The following ARRB1 variants were observed in gnomAD, a reference collection of about 807,000 sequenced individuals.
ARRB1 encodes the protein arrestin beta 1.
Under a neutral mutation model 56.8 loss-of-function variants are expected in ARRB1, and 21 were observed. The ratio of observed to expected loss-of-function variants is 0.37; its 90% CI spans 0.26 to 0.53. The LOEUF is 0.53. Ranked by LOEUF, ARRB1 falls within the 20% of genes least tolerant of loss-of-function variation. ARRB1 has a pLI of 0.88. For missense variants in ARRB1, 424 were observed against 553.7 expected, an observed-to-expected ratio of 0.77 and a Z score of 2.35; for synonymous variants, 210 against 218.6, an observed-to-expected ratio of 0.96 and a Z score of 0.35.
chr11:75,350,968 C>T (rs558722715), intron 1 of ARRB1, among the ~76,000 whole-genome samples: 24 of 152,224 alleles, frequency 1.6e-4, no homozygotes, highest in African/African-American at 5.1e-4. Flanking sequence ...CCTTGCGCTC[C>T]GCTGTGTTGG....
chr11:75,291,608 C>A (rs977317430), intron 1 of ARRB1, among the ~76,000 whole-genome samples: 14 of 152,130 alleles, frequency 9.2e-5, no homozygotes, highest in Non-Finnish European at 1.9e-4. Context: ...GCCTGAGACC[C>A]CCTTCCCTAG....
rs560222650 is a variant in ARRB1, at chr11:75,350,489, C to T, written c.20+1099G>A. Among the ~76,000 whole-genome samples, 60 of 152,224 alleles carry T rather than the reference C, an allele frequency of 3.9e-4. No homozygotes were observed. The East Asian group carries it at 7.0e-3, about 18-fold the overall frequency. On this transcript the variant is annotated intron_variant, in intron 1 of 15. Transcript: ENST00000420843. Reference sequence around the variant, plus strand: ...CCCACTTAGGGGGTGGGGAGGGCAACGGGGAAAATAGGGTGGCAACGCTGA... The same window carrying T: ...CCCACTTAGGGGGTGGGGAGGGCAATGGGGAAAATAGGGTGGCAACGCTGA...
Position 75,313,981 on chromosome 11 carries a change from C to T in ARRB1, c.21-23942G>A, listed in dbSNP as rs1947218381. Among the ~76,000 whole-genome samples the T allele has an allele frequency of 2.0e-5, 3 of 152,204 alleles. No homozygotes were observed. In the South Asian group the frequency reaches 6.2e-4, roughly 31 times the overall value. ...ATCACGTGCCTCCTCTGCCTAAAAA[C>T]TCTTAACCGCTCCCAAGAGCTCTTC... On this transcript the variant is annotated intron_variant, in intron 1 of 15. Coordinates refer to ENST00000420843, the MANE Select transcript of ARRB1 (RefSeq NM_004041.5).
rs1945759977 is a variant in ARRB1 at position 75,260,479 on chromosome 11, T to G, written c.*5684A>C. The G allele has an allele frequency of 6.6e-6, 1 of 152,208 alleles. No homozygotes were observed. The highest frequency in any genetic ancestry group is 6.5e-5 in the Admixed American group (1 of 15,282). The allele number at this position is 152,208 out of a possible 1,614,324, so 9.4% of individuals were successfully genotyped here. A position where few individuals can be genotyped will look rare whatever the true frequency, so the allele number is the denominator to read the frequency against. On this transcript the variant is annotated 3_prime_UTR_variant, in exon 16 of 16. Transcript: ENST00000420843. ...TGCTCGTTCCCAAGTGCTCTGCTCA[T>G]CTGCCATGCAGGTCAGGACCATACC... is the stretch of plus-strand genomic sequence containing the variant.
intron 3 of ARRB1, 161 bp from the exon 4 acceptor site, chr11:75,284,440 C>T: frequency 1.8e-6 from 1 of 563,204 alleles, no homozygotes. Flanking sequence ...TGCCCACCTC[C>T]ACCACGCTCC....
At position 75,260,534 on chromosome 11, in the gene ARRB1, C is replaced by G. The variant is rs923617107; in HGVS notation, c.*5629G>C. On this transcript the variant is annotated 3_prime_UTR_variant, in exon 16 of 16. Coordinates refer to ENST00000420843, the MANE Select transcript of ARRB1 (RefSeq NM_004041.5). ...GTTTGTGAGGCACCCACCTCTCATA[C>G]TCACCACCTCATATGACCACCTATC... 2.6e-5 allele frequency: 4 copies of G among 152,298 alleles called. No homozygotes were observed. The highest frequency in any genetic ancestry group is 7.2e-5 in the African/African-American group (3 of 41,460). 9.4% of individuals were successfully genotyped at this position (152,298 alleles called of 1,614,324 possible). A position where few individuals can be genotyped will look rare whatever the true frequency, so the allele number is the denominator to read the frequency against.
chr11:75,342,492 G>C (rs1947705938), intron 1 of ARRB1, among the ~76,000 whole-genome samples: 1 of 152,216 alleles, frequency 6.6e-6, no homozygotes, highest in Non-Finnish European at 1.5e-5. Context: ...TGCTCTGCCA[G>C]CCAAGGGAGG....
At chr11:75,341,731 G>T (rs1028220142) in intron 1 of ARRB1, among the ~76,000 whole-genome samples, 1 of 152,158 alleles carries the variant, frequency 6.6e-6, no homozygotes, top group Non-Finnish European at 1.5e-5. Context: ...GGGAGCCCTC[G>T]GCCTTAAAGA....
At chr11:75,326,380 GC>G (rs1947433405) in intron 1 of ARRB1, among the ~76,000 whole-genome samples, 1 of 152,186 alleles carries the variant, frequency 6.6e-6, no homozygotes, top group South Asian at 2.1e-4. Flanking sequence ...CTTACTTTGT[GC>G]CAAGCACTTT....
chr11:75,336,358 G>A (rs1443620402), intron 1 of ARRB1, among the ~76,000 whole-genome samples: 1 of 151,970 alleles, frequency 6.6e-6, no homozygotes, highest in Non-Finnish European at 1.5e-5. Flanking sequence ...ACCCTGCCAA[G>A]CTGCAGATGG....
At chr11:75,343,735 G>A (rs1290140485) in intron 1 of ARRB1, among the ~76,000 whole-genome samples, 2 of 152,032 alleles carry the variant, frequency 1.3e-5, no homozygotes, top group South Asian at 2.1e-4. Flanking sequence ...TCAGATCACC[G>A]AAGGGCCTGC....
chr11:75,322,198 G>A (rs537497023), intron 1 of ARRB1, among the ~76,000 whole-genome samples: 2 of 152,314 alleles, frequency 1.3e-5, no homozygotes, highest in East Asian at 3.9e-4. Flanking sequence ...GACAAGGGCT[G>A]GGGTGCTGAA....
At chr11:75,270,063 C>T (rs1331812593) in intron 13 of ARRB1, among the ~76,000 whole-genome samples, 1 of 152,262 alleles carries the variant, frequency 6.6e-6, no homozygotes, top group Non-Finnish European at 1.5e-5. Flanking sequence ...GTTCCACCAG[C>T]CTCGCCACCC....
intron 1 of ARRB1, among the ~76,000 whole-genome samples, chr11:75,299,510 G>A (rs113756658): frequency 1.3e-4 from 20 of 151,682 alleles, no homozygotes; most frequent in East Asian, 5.8e-4. Context: ...ATGCTTTGAT[G>A]TAAGAGTCTC....
chr11:75,295,547 C>T (rs2140450675), intron 1 of ARRB1, among the ~76,000 whole-genome samples: 1 of 152,340 alleles, frequency 6.6e-6, no homozygotes, highest in South Asian at 2.1e-4. Context: ...TTGAACCCAT[C>T]TGGATAATCC....
intron 14 of ARRB1, among the ~76,000 whole-genome samples, chr11:75,268,170 G>T (rs753465537): frequency 2.6e-5 from 4 of 152,100 alleles, no homozygotes; most frequent in Non-Finnish European, 5.9e-5. Flanking sequence ...TCCACTGAAA[G>T]TCTCAGATTC....
At chr11:75,280,581 C>T (rs1946310071) in intron 7 of ARRB1, among the ~76,000 whole-genome samples, 1 of 152,216 alleles carries the variant, frequency 6.6e-6, no homozygotes, top group South Asian at 2.1e-4. Flanking sequence ...CTTCCCATCT[C>T]TTAGATGTGG....
intron 1 of ARRB1, among the ~76,000 whole-genome samples, chr11:75,336,813 A>G (rs1304381569): frequency 6.6e-6 from 1 of 152,164 alleles, no homozygotes; most frequent in Non-Finnish European, 1.5e-5. Context: ...CACATGATCC[A>G]TCACCACCCT....
At chr11:75,276,227 G>T (rs1048968577) in intron 10 of ARRB1, among the ~76,000 whole-genome samples, 1 of 151,680 alleles carries the variant, frequency 6.6e-6, no homozygotes, top group Non-Finnish European at 1.5e-5. Context: ...AAAAAAATGT[G>T]TATGTCTTTG....
Sources: gnomAD v4.1 joint callset for allele counts (sites outside exome capture counted in the v4.1 genomes callset) on GRCh38, gnomAD v4.1.1 for gene constraint, MANE v1.5 for transcripts, NCBI Gene and HGNC (gene_info 2026-07-23, HGNC 2026-07-21) for gene names.